The following CALD1 variants were observed in gnomAD, a reference collection of about 807,000 sequenced individuals.
CALD1 encodes the protein caldesmon 1.
Under a neutral mutation model 99.9 loss-of-function variants are expected in CALD1, and 33 were observed. The ratio of observed to expected loss-of-function variants is 0.33; its 90% CI spans 0.25 to 0.44. The LOEUF (loss-of-function observed/expected upper bound fraction) is 0.44, where lower values mean the gene tolerates loss of function less well. CALD1 is among the 20% of genes least tolerant of loss of function. The pLI is 1.00. For synonymous variants in CALD1, 310 were observed against 325.0 expected, an observed-to-expected ratio of 0.95 and a Z score of 0.50; for missense variants, 861 against 962.1, an observed-to-expected ratio of 0.89 and a Z score of 1.39.
At chr7:134,823,336 G>A (rs1452912) in intron 1 of CALD1, among the ~76,000 whole-genome samples, 46,203 of 151,858 alleles carry the variant, frequency 0.3, 8,845 homozygotes, top group East Asian at 0.66. Flanking sequence ...TGGTTGTGAA[G>A]AGCCAAACAT....
intron 3 of CALD1, among the ~76,000 whole-genome samples, chr7:134,925,620 C>T (rs1319990075): frequency 4.6e-5 from 7 of 152,094 alleles, no homozygotes; most frequent in African/African-American, 1.4e-4. Context: ...GAGGAACTTG[C>T]CAAACACTTA....
chr7:134,957,867 CT>C (rs927584035), intron 9 of CALD1, among the ~76,000 whole-genome samples: 1 of 151,088 alleles, frequency 6.6e-6, no homozygotes, highest in Admixed American at 6.6e-5. Context: ...TGTATCAATC[CT>C]ACCTTCATTC....
At chr7:134,861,879 G>A (rs948897153) in intron 2 of CALD1, among the ~76,000 whole-genome samples, 2 of 152,204 alleles carry the variant, frequency 1.3e-5, no homozygotes, top group African/African-American at 4.8e-5. Context: ...TGAGGATACA[G>A]TGGGTTAGAG....
intron 1 of CALD1, among the ~76,000 whole-genome samples, chr7:134,773,099 T>G (rs935794268): frequency 2.6e-5 from 4 of 152,260 alleles, no homozygotes; most frequent in African/African-American, 9.6e-5. Flanking sequence ...TGGAAACTTG[T>G]ATCCTTTAGT....
At chr7:134,928,543 T>C (rs1366278403) in intron 3 of CALD1, among the ~76,000 whole-genome samples, 1 of 152,098 alleles carries the variant, frequency 6.6e-6, no homozygotes, top group Admixed American at 6.5e-5. Flanking sequence ...TTATCTTCTG[T>C]AGCTATTGGA....
chr7:134,967,243 T>C (rs1188635620), intron 14 of CALD1, among the ~76,000 whole-genome samples: 2 of 152,116 alleles, frequency 1.3e-5, no homozygotes, highest in Non-Finnish European at 2.9e-5. Flanking sequence ...AGGGTGACAG[T>C]GTGAGTTTTC....
intron 1 of CALD1, among the ~76,000 whole-genome samples, chr7:134,806,230 A>C (rs557642622): frequency 1.2e-4 from 19 of 152,294 alleles, no homozygotes; most frequent in Admixed American, 1.0e-3. Flanking sequence ...GTTTCACATC[A>C]GTGTCTTGGC....
upstream of CALD1, among the ~76,000 whole-genome samples, chr7:134,741,776 C>A (rs1796594403): frequency 6.6e-6 from 1 of 152,058 alleles, no homozygotes; most frequent in Non-Finnish European, 1.5e-5. Context: ...CTTTAATCCT[C>A]CAAATTGCCT....
intron 3 of CALD1, among the ~76,000 whole-genome samples, chr7:134,923,317 G>A (rs1030494414): frequency 1.1e-4 from 16 of 152,182 alleles, no homozygotes; most frequent in Non-Finnish European, 2.1e-4. Context: ...TCATAGAGAA[G>A]TACTTTATAG....
chr7:134,967,335 A>G (rs143426162), intron 14 of CALD1, among the ~76,000 whole-genome samples: 1 of 152,266 alleles, frequency 6.6e-6, no homozygotes, highest in East Asian at 1.9e-4. Context: ...CAGATTAGGT[A>G]CCTCTTTTGC....
At position 134,947,508 on chromosome 7, in the gene CALD1, C is replaced by G; in HGVS notation, c.1533C>G (p.Ser511Arg). ...HKLKHTENTF[S>R]RPGGRASVDT... is the part of the protein sequence containing the mutation. Reference sequence around the variant, plus strand: ...CCTTTCCATTGCCCCCCAACCACAGCCGCCCTGGAGGGAGGGCCAGCGTGG... The same window carrying G: ...CCTTTCCATTGCCCCCCAACCACAGGCGCCCTGGAGGGAGGGCCAGCGTGG... Residue 511 changes from serine to arginine, a missense_variant and splice_region_variant, in exon 8 of 15, where the codon AGC becomes AGG. By Grantham distance (110) the Ser-to-Arg change is moderately radical. Around this residue, in one of 5 missense-constraint regions of CALD1, gnomAD observed 293 missense variants for 262.7 expected, o/e 1.12. Transcript: ENST00000361675. The G allele has an allele frequency of 6.4e-7, 1 of 1,566,968 alleles. No individual in the cohort carries two copies. The highest frequency in any genetic ancestry group is 8.7e-7 in the Non-Finnish European group (1 of 1,155,514).
intron 4 of CALD1, among the ~76,000 whole-genome samples, chr7:134,930,650 T>A (rs1805452526): frequency 6.6e-6 from 1 of 152,242 alleles, no homozygotes; most frequent in East Asian, 1.9e-4. Context: ...GTATAATTTC[T>A]AGGGTTCACT....
chr7:134,789,167 T>G (rs1025109780), intron 1 of CALD1, among the ~76,000 whole-genome samples: 6 of 152,066 alleles, frequency 3.9e-5, no homozygotes, highest in African/African-American at 7.2e-5. Context: ...ACATGCTAAG[T>G]AGCATGTAGA....
chr7:134,970,598 T>C lies in CALD1; in HGVS notation c.*2253T>C, dbSNP rs1013904471. ...AATGGATCGCTCCAATAAACATATA[T>C]TGTGAAAATGCATCCACAATAAATG... is the stretch of plus-strand genomic sequence containing the variant. On this transcript the variant is annotated 3_prime_UTR_variant, in exon 15 of 15. Coordinates refer to ENST00000361675, the MANE Select transcript of CALD1 (RefSeq NM_033138.4). 1.3e-5 allele frequency: 2 copies of C among 152,650 alleles called. No individual in the cohort carries two copies. The highest frequency in any genetic ancestry group is 1.5e-5 in the Non-Finnish European group (1 of 68,040). The allele number at this position is 152,650 out of a possible 1,614,324, so 9.5% of individuals were successfully genotyped here.
chr7:134,861,796 C>T (rs986400676), intron 2 of CALD1, among the ~76,000 whole-genome samples: 1 of 152,132 alleles, frequency 6.6e-6, no homozygotes, highest in Non-Finnish European at 1.5e-5. Flanking sequence ...CAGAGAGGAC[C>T]TGTCTAATAA....
intron 13 of CALD1, chr7:134,962,943 A>G: frequency 2.2e-6 from 1 of 455,466 alleles, no homozygotes. Context: ...AGGTAATTCC[A>G]TTTATATTTC....
At chr7:134,954,070 A>G (rs950831747) in intron 9 of CALD1, among the ~76,000 whole-genome samples, 4 of 152,322 alleles carry the variant, frequency 2.6e-5, no homozygotes, top group Admixed American at 6.5e-5. Context: ...AGTGGTCACA[A>G]GTTAGCATTG....
chr7:134,806,993 T>A (rs1275055481), intron 1 of CALD1, among the ~76,000 whole-genome samples: 2 of 152,202 alleles, frequency 1.3e-5, no homozygotes, highest in African/African-American at 4.8e-5. Context: ...GCATTATTAA[T>A]TGAGGAAAAT....
chr7:134,880,751 A>G (rs916871025), intron 3 of CALD1, among the ~76,000 whole-genome samples: 3 of 152,166 alleles, frequency 2.0e-5, no homozygotes, highest in African/African-American at 7.2e-5. Context: ...AAGAACTGAT[A>G]TCTGACACCT....
Sources: gnomAD v4.1 joint callset for allele counts (sites outside exome capture counted in the v4.1 genomes callset) on GRCh38, gnomAD v4.1.1 for gene constraint, gnomAD v4.1.1 regional missense constraint, MANE v1.5 for transcripts, NCBI Gene and HGNC (gene_info 2026-07-23, HGNC 2026-07-21) for gene names.